Variants in ADK observed in about 807,000 individuals in gnomAD.
ADK encodes the protein N6,N6-dimethyladenosine kinase.
ADK carries 24 observed loss-of-function variants against 44.7 expected under a neutral mutation model. The observed-to-expected ratio is 0.54, with a 90% CI of 0.39 to 0.76. The LOEUF (loss-of-function observed/expected upper bound fraction) is 0.76. Ranked by LOEUF, ADK falls within the 30% of genes least tolerant of loss-of-function variation. ADK has a pLI of 0.00. For missense variants in ADK, 321 were observed against 425.1 expected, an observed-to-expected ratio of 0.76 and a Z score of 2.15; for synonymous variants, 128 against 142.6, an observed-to-expected ratio of 0.90 and a Z score of 0.73.
chr10:74,410,484 G>C (rs1844131807), intron 6 of ADK, among the ~76,000 whole-genome samples: 1 of 151,984 alleles, frequency 6.6e-6, no homozygotes. Context: ...GACCAGCCTG[G>C]CCAAAATTTT....
chr10:74,453,874 AGAATT>A (rs550461899), intron 6 of ADK, among the ~76,000 whole-genome samples: 6 of 149,020 alleles, frequency 4.0e-5, no homozygotes, highest in Non-Finnish European at 7.6e-5. Context: ...GAGAATAATA[AGAATT>A]GAATCTAAAA....
At chr10:74,525,186 T>C in intron 6 of ADK, 70 bp from the exon 7 acceptor site, 1 of 1,430,996 alleles carries the variant, frequency 7.0e-7, no homozygotes, top group Non-Finnish European at 9.8e-7. Context: ...TGTATAGGTT[T>C]CTTTTATTCT....
chr10:74,217,857 CA>C (rs548320584), intron 2 of ADK, among the ~76,000 whole-genome samples: 103 of 152,048 alleles, frequency 6.8e-4, no homozygotes, highest in African/African-American at 2.4e-3. Context: ...ACATCCACAC[CA>C]AAAACCCATC....
chr10:74,550,979 A>G (rs183871103), intron 7 of ADK, among the ~76,000 whole-genome samples: 15 of 152,306 alleles, frequency 9.8e-5, no homozygotes, highest in South Asian at 4.1e-4. Context: ...TTGGATCTAC[A>G]GGGATGGCAT....
At chr10:74,175,358 GA>G (rs1296725064) in intron 1 of ADK, among the ~76,000 whole-genome samples, 2 of 131,328 alleles carry the variant, frequency 1.5e-5, no homozygotes, top group African/African-American at 2.9e-5. Flanking sequence ...CTGGGCGACA[GA>G]ACAAGACTCC....
At chr10:74,253,603 C>T (rs557702828) in intron 3 of ADK, among the ~76,000 whole-genome samples, 1 of 151,994 alleles carries the variant, frequency 6.6e-6, no homozygotes, top group South Asian at 2.1e-4. Flanking sequence ...AGAGAAACAT[C>T]GTTTAAGTGT....
At chr10:74,200,485 CA>C (rs78504019) in intron 1 of ADK, among the ~76,000 whole-genome samples, 23,679 of 93,880 alleles carry the variant, frequency 0.25, 2,238 homozygotes, top group Middle Eastern at 0.39. Context: ...ACTCCGTGTC[CA>C]AAAAAAAAAA....
At chr10:74,481,489 T>A (rs935578382) in intron 6 of ADK, among the ~76,000 whole-genome samples, 1 of 152,172 alleles carries the variant, frequency 6.6e-6, no homozygotes, top group Non-Finnish European at 1.5e-5. Flanking sequence ...ATGGTTGCAT[T>A]TTTCTTTCAC....
chr10:74,466,975 A>T (rs917854068), intron 6 of ADK, among the ~76,000 whole-genome samples: 31 of 152,190 alleles, frequency 2.0e-4, no homozygotes, highest in Admixed American at 2.0e-3. Flanking sequence ...AAATTAATGT[A>T]TATATACATG....
Position 74,488,243 on chromosome 10 carries a change from C to T in ADK, c.556-37013C>T, listed in dbSNP as rs189210261. On this transcript the variant is annotated intron_variant, in intron 6 of 10. Transcript: ENST00000539909. The stretch of plus-strand genomic sequence containing the variant: ...AGCAAATGTAGTATTAGATCCTTGA[C>T]TATATATTAGATAATACTACATCAC... 3.0e-3 allele frequency among the ~76,000 whole-genome samples: 452 copies of T among 151,820 alleles called. 2 individuals carry two copies. Among genetic ancestry groups the T allele is most frequent in the African/African-American group, 0.01 (432 of 41,466 alleles).
At chr10:74,696,022 A>G (rs901335837) in intron 10 of ADK, among the ~76,000 whole-genome samples, 4 of 151,412 alleles carry the variant, frequency 2.6e-5, no homozygotes, top group Admixed American at 2.6e-4. Context: ...TTGATTTTTT[A>G]TTTTATTTTA....
intron 8 of ADK, among the ~76,000 whole-genome samples, chr10:74,598,576 A>G (rs1266875049): frequency 6.8e-6 from 1 of 147,962 alleles, no homozygotes; most frequent in East Asian, 2.0e-4. Context: ...CAGCCCTCCC[A>G]AGTAGCTAGG....
chr10:74,422,613 A>G (rs976553618), intron 6 of ADK, among the ~76,000 whole-genome samples: 1 of 152,232 alleles, frequency 6.6e-6, no homozygotes, highest in Non-Finnish European at 1.5e-5. Flanking sequence ...TTTTCTGTAT[A>G]TCTAAGTTCC....
intron 6 of ADK, among the ~76,000 whole-genome samples, chr10:74,476,033 C>T (rs780944810): frequency 1.3e-5 from 2 of 152,194 alleles, no homozygotes; most frequent in South Asian, 2.1e-4. Flanking sequence ...TATATAAAAT[C>T]GTGAGTTTAT....
chr10:74,529,563 G>A (rs1399987306), intron 7 of ADK, among the ~76,000 whole-genome samples: 1 of 152,088 alleles, frequency 6.6e-6, no homozygotes, highest in Non-Finnish European at 1.5e-5. Flanking sequence ...CTACAAATCA[G>A]TAAACTTAAA....
chr10:74,268,444 T>C (rs1006038042), intron 3 of ADK, among the ~76,000 whole-genome samples: 1 of 152,168 alleles, frequency 6.6e-6, no homozygotes, highest in South Asian at 2.1e-4. Context: ...GTGCTACTTA[T>C]TAGTTGTGTG....
chr10:74,183,499 G>T (rs943509129), intron 1 of ADK, among the ~76,000 whole-genome samples: 1 of 151,934 alleles, frequency 6.6e-6, no homozygotes, highest in Non-Finnish European at 1.5e-5. Flanking sequence ...CCTTGATCCT[G>T]TAATGAAATA....
intron 7 of ADK, among the ~76,000 whole-genome samples, chr10:74,573,984 T>A (rs1200992466): frequency 1.3e-5 from 2 of 152,200 alleles, no homozygotes; most frequent in Non-Finnish European, 2.9e-5. Flanking sequence ...CTCGCCCTGC[T>A]TTGGCTCACG....
intron 1 of ADK, among the ~76,000 whole-genome samples, chr10:74,193,254 C>CT (rs200633208): frequency 2.7e-5 from 4 of 150,170 alleles, no homozygotes; most frequent in Middle Eastern, 3.4e-3. Context: ...CTTTTTTTTT[C>CT]TTTTTTTTAT....
Sources: allele counts gnomAD v4.1 joint callset (sites outside exome capture counted in the v4.1 genomes callset), GRCh38; gene constraint gnomAD v4.1.1; transcripts MANE v1.5; gene names NCBI Gene and HGNC (gene_info 2026-07-23, HGNC 2026-07-21).